The following DENND2B variants were observed in gnomAD, a reference collection of about 807,000 sequenced individuals.
The protein encoded by DENND2B is DENN domain containing 2B.
A neutral mutation model predicts 116.0 loss-of-function variants in DENND2B; 32 were observed. That is an observed-to-expected ratio of 0.28 (90% confidence interval 0.21 to 0.37). The LOEUF (loss-of-function observed/expected upper bound fraction) is 0.37, where lower values mean the gene tolerates loss of function less well. Ranked by LOEUF, DENND2B falls within the 10% of genes least tolerant of loss-of-function variation. DENND2B has a pLI of 1.00. For synonymous variants in DENND2B, 588 were observed against 583.9 expected, an observed-to-expected ratio of 1.01 and a Z score of -0.10; for missense variants, 1,276 against 1,477.7, an observed-to-expected ratio of 0.86 and a Z score of 2.24.
At chr11:8,788,336 A>G (rs2059097315) in intron 1 of DENND2B, among the ~76,000 whole-genome samples, 1 of 152,150 alleles carries the variant, frequency 6.6e-6, no homozygotes, top group African/African-American at 2.4e-5. Flanking sequence ...CCACCTATGT[A>G]TCACAATTCT....
At chr11:8,784,269 A>C (rs577969796) in intron 1 of DENND2B, 5 of 144,622 alleles carry the variant, frequency 3.5e-5, no homozygotes, top group African/African-American at 7.8e-5. Context: ...AAAAAAAAAA[A>C]CATTAGCCAG....
At chr11:8,797,384 G>A (rs1456787804) in intron 1 of DENND2B, among the ~76,000 whole-genome samples, 1 of 152,046 alleles carries the variant, frequency 6.6e-6, no homozygotes, top group Non-Finnish European at 1.5e-5. Flanking sequence ...AAGCAGGTAT[G>A]TCTATGCCCA....
chr11:8,735,712 T>A (rs373234407), intron 2 of DENND2B, among the ~76,000 whole-genome samples: 3 of 152,212 alleles, frequency 2.0e-5, no homozygotes, highest in East Asian at 3.8e-4. Flanking sequence ...ACCCTAAGAA[T>A]CAGCTTCCAC....
chr11:8,855,620 G>T (rs2063168244), intron 3 of DENND2B, among the ~76,000 whole-genome samples: 1 of 151,914 alleles, frequency 6.6e-6, no homozygotes, highest in Non-Finnish European at 1.5e-5. Context: ...AACTTTCATA[G>T]GAAGGAGGAA....
intron 4 of DENND2B, among the ~76,000 whole-genome samples, chr11:8,831,392 G>A (rs1342355441): frequency 6.6e-6 from 1 of 152,126 alleles, no homozygotes; most frequent in Admixed American, 6.6e-5. Context: ...GGCCACTCGG[G>A]AGCAAATACA....
chr11:8,728,879 A>C (rs977361711), intron 3 of DENND2B, among the ~76,000 whole-genome samples: 2 of 152,220 alleles, frequency 1.3e-5, no homozygotes, highest in Admixed American at 6.5e-5. Context: ...GCTCTAGAAG[A>C]ATGTTTATAG....
chr11:8,842,799 GA>G (rs2062669778), intron 3 of DENND2B, among the ~76,000 whole-genome samples: 1 of 152,114 alleles, frequency 6.6e-6, no homozygotes, highest in African/African-American at 2.4e-5. Flanking sequence ...CCCTGTACCA[GA>G]AAAGTGTCAC....
chr11:8,698,848 A>T (rs987628430), intron 16 of DENND2B, 85 bp downstream of exon 16: 3 of 1,518,310 alleles, frequency 2.0e-6, no homozygotes, highest in Non-Finnish European at 2.7e-6. Context: ...AGAGAGCTCA[A>T]CAAACAGGTT....
At chr11:8,825,874 C>T (rs2061959672) in intron 4 of DENND2B, among the ~76,000 whole-genome samples, 1 of 151,994 alleles carries the variant, frequency 6.6e-6, no homozygotes, top group Admixed American at 6.6e-5. Flanking sequence ...AACACAGGGC[C>T]CAGATCAAAT....
chr11:8,910,656 C>G (rs1297073120), intron 1 of DENND2B, among the ~76,000 whole-genome samples: 1 of 63,806 alleles, frequency 1.6e-5, no homozygotes, highest in African/African-American at 4.8e-5. Flanking sequence ...TGTGTGGACA[C>G]GGGTTGTCGC....
intron 3 of DENND2B, chr11:8,845,321 G>A (rs1410874319): frequency 6.6e-6 from 1 of 152,134 alleles, no homozygotes; most frequent in East Asian, 1.9e-4. Context: ...GCTAAGCAGG[G>A]TCAGGCCCCG....
At position 8,879,757 on chromosome 11, in the gene DENND2B, A is replaced by G. The variant is rs74054251; in HGVS notation, c.-156+1253T>C. 4.2e-3 allele frequency among the ~76,000 whole-genome samples: 632 copies of G among 152,280 alleles called. 3 individuals are homozygous for G. The highest frequency in any genetic ancestry group is 0.014 in the African/African-American group (602 of 41,566). The stretch of plus-strand genomic sequence containing the variant: ...CCAGATATCCTGAATCAGAGTCTCT[A>G]TGCTAGGTACATATGATTGAAAAAA... On this transcript the variant is annotated intron_variant, in intron 2 of 22. Transcript: ENST00000534127.
intron 3 of DENND2B, among the ~76,000 whole-genome samples, chr11:8,851,909 C>T (rs565217890): frequency 1.3e-5 from 2 of 151,986 alleles, no homozygotes; most frequent in African/African-American, 4.8e-5. Context: ...CTAGAAAGAC[C>T]ATGAATTACT....
chr11:8,765,322 C>T (rs1417885815), intron 1 of DENND2B, among the ~76,000 whole-genome samples: 1 of 152,200 alleles, frequency 6.6e-6, no homozygotes, highest in Non-Finnish European at 1.5e-5. Flanking sequence ...GTCTGTGCTT[C>T]TCAGACTGTG....
At chr11:8,910,160 G>A (rs932957709) in intron 1 of DENND2B, among the ~76,000 whole-genome samples, 9 of 151,796 alleles carry the variant, frequency 5.9e-5, no homozygotes, top group African/African-American at 2.2e-4. Flanking sequence ...AGAGAGAGCT[G>A]CGCTGAGGGA....
chr11:8,706,932 T>A (rs2042705466), intron 13 of DENND2B, among the ~76,000 whole-genome samples, 153 bp downstream of exon 13: 1 of 152,178 alleles, frequency 6.6e-6, no homozygotes, highest in Non-Finnish European at 1.5e-5. Context: ...TTCCTATTGT[T>A]TGCTCTTTTG....
chr11:8,754,400 A>G (rs956633215), intron 1 of DENND2B, among the ~76,000 whole-genome samples: 28 of 152,218 alleles, frequency 1.8e-4, no homozygotes, highest in Non-Finnish European at 4.4e-5. Flanking sequence ...GATTTCTATA[A>G]CAAAAAAAGA....
At chr11:8,889,186 T>G (rs1253096141) in intron 1 of DENND2B, among the ~76,000 whole-genome samples, 1 of 152,184 alleles carries the variant, frequency 6.6e-6, no homozygotes. Flanking sequence ...AAAATGTCCA[T>G]CAATGGATGA....
intron 1 of DENND2B, among the ~76,000 whole-genome samples, chr11:8,772,160 C>CACACA (rs2057015537): frequency 6.8e-6 from 1 of 147,372 alleles, no homozygotes; most frequent in African/African-American, 2.5e-5. Flanking sequence ...CACACACACA[C>CACACA]CAAAATTTTG....
Sources: allele counts gnomAD v4.1 joint callset (sites outside exome capture counted in the v4.1 genomes callset), GRCh38; gene constraint gnomAD v4.1.1; transcripts MANE v1.5; gene names NCBI Gene and HGNC (gene_info 2026-07-23, HGNC 2026-07-21).